Variants in MED27 observed in about 807,000 individuals in gnomAD.
MED27 encodes mediator of RNA polymerase II transcription subunit 27.
MED27 carries 30 observed loss-of-function variants against 38.2 expected under a neutral mutation model. The observed-to-expected ratio is 0.79, with a 90% CI of 0.59 to 1.07. MED27 has a LOEUF of 1.07. Among genes scored for constraint, MED27 ranks in the 50% least tolerant of loss-of-function variants. The pLI, the probability that MED27 is intolerant of heterozygous loss-of-function variation, is 0.00. For synonymous variants in MED27, 122 were observed against 153.5 expected, an observed-to-expected ratio of 0.79 and a Z score of 1.52; for missense variants, 289 against 397.5, an observed-to-expected ratio of 0.73 and a Z score of 2.32.
At chr9:131,908,133 G>T (rs1412627986) in intron 4 of MED27, among the ~76,000 whole-genome samples, 2 of 104,690 alleles carry the variant, frequency 1.9e-5, no homozygotes, top group Non-Finnish European at 5.1e-5. Context: ...AGGTGGGGGG[G>T]TCAGCCCCCC....
At chr9:131,929,887 G>C (rs1056291524) in intron 4 of MED27, among the ~76,000 whole-genome samples, 1 of 152,232 alleles carries the variant, frequency 6.6e-6, no homozygotes, top group African/African-American at 2.4e-5. Flanking sequence ...CTAGCACCTT[G>C]AATGAACATA....
At chr9:131,981,559 G>A (rs888587393) in intron 3 of MED27, among the ~76,000 whole-genome samples, 8 of 152,180 alleles carry the variant, frequency 5.3e-5, no homozygotes, top group Non-Finnish European at 2.9e-5. Flanking sequence ...CAGGAGAAGG[G>A]ACTGCTAGTC....
Position 132,057,199 on chromosome 9 carries a change from G to A in MED27, c.348+20243C>T, listed in dbSNP as rs554425307. Among the ~76,000 whole-genome samples, 145 of 152,272 alleles carry A rather than the reference G, an allele frequency of 9.5e-4. 5 individuals are homozygous for A. The highest frequency in any genetic ancestry group is 5.3e-4 in the Non-Finnish European group (36 of 68,024). On this transcript the variant is annotated intron_variant, in intron 2 of 7. Transcript: ENST00000292035. Reference sequence around the variant, plus strand: ...GAGCCTAGACAAAAGCACACCACCCGCGGTAATCCTCTGCCAATCCCACCA... The same window carrying A: ...GAGCCTAGACAAAAGCACACCACCCACGGTAATCCTCTGCCAATCCCACCA...
intron 4 of MED27, among the ~76,000 whole-genome samples, chr9:131,903,904 T>C (rs1277270000): frequency 6.6e-6 from 1 of 151,036 alleles, no homozygotes; most frequent in East Asian, 1.9e-4. Context: ...TTTTTTTTTT[T>C]TTTCTTTTTT....
chr9:131,892,882 G>A (rs904013324), intron 5 of MED27, among the ~76,000 whole-genome samples: 9 of 152,204 alleles, frequency 5.9e-5, no homozygotes, highest in Admixed American at 2.0e-4. Context: ...TGGTATCAAC[G>A]AGGAAATTTA....
chr9:131,927,536 C>T (rs1352164464), intron 4 of MED27, among the ~76,000 whole-genome samples: 4 of 152,208 alleles, frequency 2.6e-5, no homozygotes, highest in Non-Finnish European at 4.4e-5. Context: ...ATTTGTCCTT[C>T]CTCCCCTCCT....
At chr9:131,873,345 G>A (rs1343838533) in intron 6 of MED27, among the ~76,000 whole-genome samples, 6 of 152,178 alleles carry the variant, frequency 3.9e-5, no homozygotes, top group East Asian at 1.9e-4. Context: ...TCATTATTTC[G>A]AAACTGGAAT....
intron 4 of MED27, among the ~76,000 whole-genome samples, chr9:131,937,562 A>C (rs1307618631): frequency 6.6e-6 from 1 of 152,208 alleles, no homozygotes; most frequent in Non-Finnish European, 1.5e-5. Flanking sequence ...CTCAGGTGGA[A>C]GGAACTCATC....
chr9:131,955,956 T>C (rs750617430), intron 3 of MED27, among the ~76,000 whole-genome samples: 9 of 152,168 alleles, frequency 5.9e-5, no homozygotes, highest in Non-Finnish European at 1.3e-4. Context: ...TACTCTTCCA[T>C]GAACAAAGAT....
At chr9:132,040,535 C>T (rs1833184885) in intron 2 of MED27, among the ~76,000 whole-genome samples, 2 of 152,320 alleles carry the variant, frequency 1.3e-5, no homozygotes, top group Admixed American at 6.5e-5. Flanking sequence ...TAGATCTATA[C>T]ATTGGGCAAA....
intron 4 of MED27, among the ~76,000 whole-genome samples, chr9:131,923,744 C>T (rs553631114): frequency 6.6e-6 from 1 of 152,318 alleles, no homozygotes; most frequent in African/African-American, 2.4e-5. Flanking sequence ...ATGCCTTTCC[C>T]ATCTACCCAC....
At chr9:131,945,093 TTATATAAAAATATTTATATATAAA>T (rs1049458491) in intron 3 of MED27, among the ~76,000 whole-genome samples, 2 of 146,804 alleles carry the variant, frequency 1.4e-5, no homozygotes, top group African/African-American at 4.9e-5. Context: ...ATAAATAATT[TTATATAAAAATATTTATATATAAA>T]TATATAAAAA....
intron 3 of MED27, among the ~76,000 whole-genome samples, chr9:131,966,834 C>T (rs1234157730): frequency 6.6e-6 from 1 of 152,200 alleles, no homozygotes; most frequent in African/African-American, 2.4e-5. Context: ...ATAATATCAA[C>T]CTCACAGGAA....
chr9:131,867,806 T>C (rs937960441), intron 6 of MED27, among the ~76,000 whole-genome samples: 1 of 152,160 alleles, frequency 6.6e-6, no homozygotes, highest in African/African-American at 2.4e-5. Context: ...ACACAATCAC[T>C]GGGGGTCTTT....
chr9:132,010,795 C>T (rs1307082301), intron 3 of MED27, among the ~76,000 whole-genome samples: 1 of 152,110 alleles, frequency 6.6e-6, no homozygotes, highest in Non-Finnish European at 1.5e-5. Context: ...AAAAACCAAA[C>T]ACCACATGTT....
rs905897916 is a variant in MED27, at chr9:131,913,121, C to T, written c.574-19129G>A. 6.6e-6 allele frequency among the ~76,000 whole-genome samples: 1 copy of T among 152,238 alleles called. No individual in the cohort carries two copies. Among genetic ancestry groups the T allele is most frequent in the South Asian group, 2.1e-4 (1 of 4,832 alleles). On this transcript the variant is annotated intron_variant, in intron 4 of 7. Coordinates refer to ENST00000292035, the MANE Select transcript of MED27 (RefSeq NM_004269.4). The surrounding 1 kb of genome is among the most constrained non-coding windows in gnomAD (Gnocchi z 4.5). Reference sequence around the variant, plus strand: ...AAGTCAGAAGTATTTTCAGAAAGCACTGCCTACCAAAATTACATTTGATCA... The same window carrying T: ...AAGTCAGAAGTATTTTCAGAAAGCATTGCCTACCAAAATTACATTTGATCA...
intron 4 of MED27, among the ~76,000 whole-genome samples, chr9:131,929,590 C>T (rs183421890): frequency 2.1e-4 from 32 of 152,168 alleles, no homozygotes; most frequent in Admixed American, 1.0e-3. Flanking sequence ...ACTGAAGGGC[C>T]CCCGGACTTT....
intron 2 of MED27, among the ~76,000 whole-genome samples, chr9:132,070,858 C>T (rs988445118): frequency 4.0e-5 from 6 of 151,450 alleles, no homozygotes; most frequent in South Asian, 2.1e-4. Context: ...GAAAGAACTG[C>T]CCCCCACACA....
At chr9:131,921,547 A>G (rs1830392050) in intron 4 of MED27, among the ~76,000 whole-genome samples, 1 of 152,246 alleles carries the variant, frequency 6.6e-6, no homozygotes, top group South Asian at 2.1e-4. Flanking sequence ...GAGAATGTGG[A>G]GAAATAGGAA....
Sources: allele counts gnomAD v4.1 joint callset (sites outside exome capture counted in the v4.1 genomes callset), GRCh38; gene constraint gnomAD v4.1.1; non-coding constraint Gnocchi (gnomAD v3.1); transcripts MANE v1.5; gene names NCBI Gene and HGNC (gene_info 2026-07-23, HGNC 2026-07-21).